The following MED13L variants were observed in gnomAD, a reference collection of about 807,000 sequenced individuals.
MED13L encodes mediator complex subunit 13L, also known as mediator of RNA polymerase II transcription subunit 13-like.
MED13L carries 7 observed loss-of-function variants against 220.9 expected under a neutral mutation model. The ratio of observed to expected loss-of-function variants is 0.03; its 90% CI spans 0.02 to 0.06. The LOEUF (loss-of-function observed/expected upper bound fraction) is 0.06, where lower values mean the gene tolerates loss of function less well. Among genes scored for constraint, MED13L ranks in the 10% least tolerant of loss-of-function variants. The pLI, the probability that MED13L is intolerant of heterozygous loss-of-function variation, is 1.00. For missense variants in MED13L, 1,965 were observed against 2,760.5 expected, an observed-to-expected ratio of 0.71 and a Z score of 6.46; for synonymous variants, 1,011 against 1,015.2, an observed-to-expected ratio of 1.00 and a Z score of 0.08.
At chr12:116,109,610 C>T (rs904983360) in intron 3 of MED13L, among the ~76,000 whole-genome samples, 2 of 152,050 alleles carry the variant, frequency 1.3e-5, no homozygotes, top group African/African-American at 2.4e-5. Context: ...TGTGCTTAAA[C>T]GTGTGTTAAT....
In MED13L at chr12:115,997,046, T is replaced by A; in HGVS notation, c.2754A>T (p.Glu918Asp). ...TQLTEFKMEV[E>D]DGLGSPKPEE... ...CGGGCTTGGGACTTCCTAATCCATCTTCCACTTCCATTTTGAATTCTGTGA... is the reference window on the plus strand; with the variant it reads ...CGGGCTTGGGACTTCCTAATCCATCATCCACTTCCATTTTGAATTCTGTGA... The change falls in exon 15 of 31, where the codon GAA becomes GAT. Residue 918 changes from glutamate to aspartate, a missense_variant. By Grantham distance (45) the Glu-to-Asp change is conservative (BLOSUM62 2). Coordinates refer to ENST00000281928, the MANE Select transcript of MED13L (RefSeq NM_015335.5). 1 of 1,614,132 alleles carries A rather than the reference T, an allele frequency of 6.2e-7. No individual in the cohort carries two copies. The highest frequency in any genetic ancestry group is 8.5e-7 in the Non-Finnish European group (1 of 1,179,988).
intron 1 of MED13L, among the ~76,000 whole-genome samples, chr12:116,243,162 C>T (rs1344801910): frequency 6.8e-6 from 1 of 147,526 alleles, no homozygotes; most frequent in African/African-American, 2.4e-5. Context: ...ATATGTACAA[C>T]GAACCAACAA....
At chr12:116,138,767 G>A (rs1876802725) in intron 2 of MED13L, among the ~76,000 whole-genome samples, 1 of 152,212 alleles carries the variant, frequency 6.6e-6, no homozygotes, top group Non-Finnish European at 1.5e-5. Flanking sequence ...TTATTCTGCA[G>A]CATTTTTTGT....
intron 2 of MED13L, among the ~76,000 whole-genome samples, chr12:116,124,181 A>T (rs1010944089): frequency 2.6e-5 from 4 of 152,120 alleles, no homozygotes; most frequent in Non-Finnish European, 4.4e-5. Context: ...AGAGAGACAG[A>T]GAGAGACAGA....
intron 2 of MED13L, among the ~76,000 whole-genome samples, chr12:116,196,869 T>C (rs1166482020): frequency 2.0e-5 from 3 of 152,354 alleles, no homozygotes; most frequent in African/African-American, 7.2e-5. Flanking sequence ...TAAAAGTGCA[T>C]TAATTTTAGC....
At chr12:115,968,200 A>G (rs561401956) in intron 28 of MED13L, among the ~76,000 whole-genome samples, 1 of 152,076 alleles carries the variant, frequency 6.6e-6, no homozygotes, top group African/African-American at 2.4e-5. Context: ...GTCTCATAAC[A>G]TTTTAAATAA....
intron 23 of MED13L, among the ~76,000 whole-genome samples, chr12:115,977,084 T>A (rs1291834547): frequency 6.6e-6 from 1 of 152,146 alleles, no homozygotes; most frequent in Non-Finnish European, 1.5e-5. Context: ...GCCTGGAAGG[T>A]CGAGGCTGCA....
chr12:116,002,055 A>C (rs1428204215), intron 14 of MED13L, among the ~76,000 whole-genome samples: 1 of 152,224 alleles, frequency 6.6e-6, no homozygotes, highest in Non-Finnish European at 1.5e-5. Context: ...GTTTCTTTTA[A>C]TCTGTGAAGT....
intron 17 of MED13L, among the ~76,000 whole-genome samples, chr12:115,990,246 T>G (rs1877968775): frequency 6.6e-6 from 1 of 152,206 alleles, no homozygotes; most frequent in Non-Finnish European, 1.5e-5. Flanking sequence ...TACAACGAAG[T>G]CTTCTCTGAC....
chr12:115,983,048 A>G (rs1877437524), intron 21 of MED13L, 69 bp downstream of exon 21: 1 of 1,519,630 alleles, frequency 6.6e-7, no homozygotes, highest in Non-Finnish European at 9.1e-7. Flanking sequence ...CAAGGGAGAA[A>G]AGGTGCAGAA....
chr12:116,254,105 C>T (rs959334777), intron 1 of MED13L, among the ~76,000 whole-genome samples: 2 of 151,908 alleles, frequency 1.3e-5, no homozygotes, highest in East Asian at 1.9e-4. Context: ...CTCAACCTTA[C>T]GGGGATATCA....
intron 17 of MED13L, among the ~76,000 whole-genome samples, chr12:115,987,897 C>T (rs2137292944): frequency 6.6e-6 from 1 of 152,314 alleles, no homozygotes; most frequent in South Asian, 2.1e-4. Context: ...ACTTTAGTCC[C>T]AGCAGTCGCC....
chr12:116,066,759 T>TAA (rs199896147), intron 4 of MED13L, among the ~76,000 whole-genome samples: 5 of 140,148 alleles, frequency 3.6e-5, no homozygotes, highest in East Asian at 2.0e-4. Flanking sequence ...AAAATTGTAT[T>TAA]AAAAAAAAAA....
At chr12:116,073,711 G>C (rs2137696238) in intron 4 of MED13L, among the ~76,000 whole-genome samples, 1 of 152,306 alleles carries the variant, frequency 6.6e-6, no homozygotes, top group South Asian at 2.1e-4. Context: ...GATTTTATTA[G>C]AATGCTTTCC....
At chr12:116,003,275 C>G (rs1195330044) in intron 13 of MED13L, among the ~76,000 whole-genome samples, 173 bp from the exon 14 acceptor site, 1 of 152,178 alleles carries the variant, frequency 6.6e-6, no homozygotes, top group Non-Finnish European at 1.5e-5. Flanking sequence ...ACAAGCTTAT[C>G]AAGTGTAAGA....
intron 27 of MED13L, among the ~76,000 whole-genome samples, chr12:115,970,319 A>G (rs1476450958): frequency 6.6e-6 from 1 of 152,226 alleles, no homozygotes; most frequent in East Asian, 1.9e-4. Flanking sequence ...GCACCTAAGT[A>G]CAGAACAGTG....
chr12:115,996,907 C>T (rs1878441728), intron 15 of MED13L, 103 bp downstream of exon 15: 11 of 1,269,726 alleles, frequency 8.7e-6, no homozygotes, highest in South Asian at 2.4e-5. Flanking sequence ...TTCTTAGGAA[C>T]TTATGTATAT....
Position 115,983,197 on chromosome 12 carries a change from T to C in MED13L, c.4875A>G (p.Arg1625=), listed in dbSNP as rs1311202612. The change falls in exon 21 of 31, where the codon AGA becomes AGG. Residue 1625 remains arginine, a synonymous_variant. Transcript: ENST00000281928. ...NPSTGGISAD[R]TQGNIGCGGD... ...CACCACAGCCTATGTTCCCTTGCGT[T>C]CTATCCGCAGAAATGCCCCCAGTGC... 1.2e-6 allele frequency: 2 copies of C among 1,614,040 alleles called. No individual in the cohort carries two copies. The highest frequency in any genetic ancestry group is 1.7e-5 in the Admixed American group (1 of 60,006).
intron 4 of MED13L, among the ~76,000 whole-genome samples, chr12:116,057,594 C>G (rs912858092): frequency 2.0e-5 from 3 of 150,600 alleles, no homozygotes; most frequent in South Asian, 2.1e-4. Context: ...TGTGACTCAT[C>G]GCCTACTAGA....
Sources: allele counts gnomAD v4.1 joint callset (sites outside exome capture counted in the v4.1 genomes callset), GRCh38; gene constraint gnomAD v4.1.1; transcripts MANE v1.5; gene names NCBI Gene and HGNC (gene_info 2026-07-23, HGNC 2026-07-21).